The following UNC50 variants were observed in gnomAD, a reference collection of about 807,000 sequenced individuals.
The protein encoded by UNC50 is unc-50 inner nuclear membrane RNA binding protein.
UNC50 carries 24 observed loss-of-function variants against 31.5 expected under a neutral mutation model. The ratio of observed to expected loss-of-function variants is 0.76; its 90% CI spans 0.55 to 1.07. The LOEUF is 1.07. UNC50 is among the 50% of genes least tolerant of loss of function. The probability of loss-of-function intolerance (pLI) is 0.00; values close to 1 mark genes in which losing one functional copy is unlikely to be tolerated. For synonymous variants in UNC50, 118 were observed against 114.7 expected, an observed-to-expected ratio of 1.03 and a Z score of -0.18; for missense variants, 245 against 304.2, an observed-to-expected ratio of 0.81 and a Z score of 1.45.
intron 3 of UNC50, among the ~76,000 whole-genome samples, chr2:98,615,710 T>A (rs1182683690): frequency 6.6e-6 from 1 of 152,162 alleles, no homozygotes. Flanking sequence ...GGCATTTAAG[T>A]CAAATACTTT....
rs548708317 is a variant in UNC50, at chr2:98,610,517, A to G, written c.281-258A>G. On this transcript the variant is annotated intron_variant, in intron 2 of 5. Transcript: ENST00000357765. Reference sequence around the variant, plus strand: ...TTTGCACCTTAACTGGACTTAAACTATGTTAGTGCCTTCTCTACACTGGCG... The same window carrying G: ...TTTGCACCTTAACTGGACTTAAACTGTGTTAGTGCCTTCTCTACACTGGCG... Among the ~76,000 whole-genome samples, 15 of 152,332 alleles carry G rather than the reference A, an allele frequency of 9.8e-5. No individual in the cohort carries two copies. The East Asian group carries it at 2.5e-3, about 25-fold the overall frequency.
At chr2:98,612,694 C>T (rs1219994110) in intron 3 of UNC50, among the ~76,000 whole-genome samples, 1 of 152,230 alleles carries the variant, frequency 6.6e-6, no homozygotes, top group Non-Finnish European at 1.5e-5. Context: ...CAGGCGTGAG[C>T]CACCGCGCCC....
In UNC50 at chr2:98,610,825, A is replaced by G. The variant is rs982881742; in HGVS notation, c.331A>G (p.Ile111Val). ...FVLDMGFFET[I>V]KLLLWVVLID... ...GCTGGACATGGGATTCTTTGAGACA[A>G]TAAAGCTTCTCCTTTGGGTTGTACT... is the stretch of plus-strand genomic sequence containing the variant. Residue 111 changes from isoleucine to valine, a missense_variant, in exon 3 of 6, where the codon ATA becomes GTA. Transcript: ENST00000357765. The G allele has an allele frequency of 3.1e-6, 5 of 1,614,094 alleles. No homozygotes were observed. In the African/African-American group the frequency reaches 5.3e-5, roughly 17 times the overall value.
Position 98,618,378 on chromosome 2 carries a change from A to ATAAAC in UNC50, c.*77_*81dup. 3 of 1,447,922 alleles carry ATAAAC rather than the reference A, an allele frequency of 2.1e-6. No homozygotes were observed. The highest frequency in any genetic ancestry group is 2.4e-5 in the East Asian group (1 of 41,528). The allele number at this position is 1,447,922 out of a possible 1,614,324, so 89.7% of individuals were successfully genotyped here. On this transcript the variant is annotated 3_prime_UTR_variant, in exon 6 of 6. Transcript: ENST00000357765. ...TGATCATTTCTTGTAAAACTTGTAA[A>ATAAAC]TAAACTATCATCTTTGTAGATATCT...
chr2:98,615,632 C>A (rs925696952), intron 3 of UNC50, among the ~76,000 whole-genome samples: 4 of 152,224 alleles, frequency 2.6e-5, no homozygotes, highest in Admixed American at 6.5e-5. Flanking sequence ...AGCCTTCTAA[C>A]TGGTCTCTGC....
Position 98,608,634 on chromosome 2 carries a change from A to G in UNC50, c.-97A>G. On this transcript the variant is annotated 5_prime_UTR_variant, in exon 1 of 6. Transcript: ENST00000357765. The stretch of plus-strand genomic sequence containing the variant: ...CCCCAAGGGCCGGCTCCGTTGAGGG[A>G]AGGGAAGCCCGCCCGGTGGCGGCTG... 1.7e-6 allele frequency: 1 copy of G among 577,866 alleles called. No homozygotes were observed. The highest frequency in any genetic ancestry group is 3.1e-6 in the Non-Finnish European group (1 of 325,282). 35.8% of individuals were successfully genotyped at this position (577,866 alleles called of 1,614,324 possible).
At chr2:98,610,147 C>A in intron 2 of UNC50, 108 bp downstream of exon 2, 1 of 1,210,424 alleles carries the variant, frequency 8.3e-7, no homozygotes, top group Non-Finnish European at 1.1e-6. Context: ...AACTATTTCT[C>A]CTTTTTACTG....
intron 3 of UNC50, 82 bp downstream of exon 3, chr2:98,610,977 G>C: frequency 1.4e-6 from 2 of 1,465,026 alleles, no homozygotes; most frequent in Non-Finnish European, 1.8e-6. Flanking sequence ...GCAGCAGATG[G>C]AAATTGAAAC....
chr2:98,610,781 C>T lies in UNC50; in HGVS notation c.287C>T (p.Thr96Ile). ...VLLSIWLCVS[T>I]IGFGFVLDMG... ...TTGTGAATCTTTCTTTCAGTGTCCA[C>T]TATAGGATTTGGCTTTGTGCTGGAC... The change falls in exon 3 of 6, where the codon ACT (threonine) becomes ATT (isoleucine). Residue 96 changes from threonine (T) to isoleucine (I), a missense_variant. Thr to Ile is a moderately conservative substitution (Grantham distance 89). Transcript: ENST00000357765. 1.2e-6 allele frequency: 2 copies of T among 1,614,000 alleles called. No individual in the cohort carries two copies. Among genetic ancestry groups the T allele is most frequent in the Non-Finnish European group, 1.7e-6 (2 of 1,179,928 alleles).
intron 3 of UNC50, among the ~76,000 whole-genome samples, chr2:98,613,579 C>G (rs1559148483): frequency 6.6e-6 from 1 of 152,142 alleles, no homozygotes; most frequent in Non-Finnish European, 1.5e-5. Context: ...TTGTGAGACT[C>G]ACTGACTATC....
rs571814284 is a variant in UNC50, at chr2:98,610,736, G to T, written c.281-39G>T. The T allele has an allele frequency of 7.5e-6, 12 of 1,610,108 alleles. 1 individual carries two copies. The South Asian group carries it at 1.3e-4, about 18-fold the overall frequency. The stretch of plus-strand genomic sequence containing the variant: ...ATGTGTCCTGTATTTCCAGAACCTA[G>T]CAGAGTCCCTAAATGAATCTTGTGA... On this transcript the variant is annotated intron_variant, in intron 2 of 5. Coordinates refer to ENST00000357765, the MANE Select transcript of UNC50 (RefSeq NM_014044.7).
At chr2:98,612,794 C>T (rs943568305) in intron 3 of UNC50, among the ~76,000 whole-genome samples, 1 of 152,228 alleles carries the variant, frequency 6.6e-6, no homozygotes. Flanking sequence ...TAAACTGAGT[C>T]ACACAGATGT....
chr2:98,615,674 A>G (rs1391438961), intron 3 of UNC50, among the ~76,000 whole-genome samples: 4 of 152,162 alleles, frequency 2.6e-5, no homozygotes, highest in South Asian at 2.1e-4. Flanking sequence ...CTGTTCTCAG[A>G]TCCGCCACCA....
chr2:98,618,138 TAAATCAGTTTGGATTCC>T lies in UNC50; in HGVS notation c.644-29_644-13del. On this transcript the variant is annotated splice_polypyrimidine_tract_variant and intron_variant, in intron 5 of 5. Transcript: ENST00000357765. The stretch of plus-strand genomic sequence containing the variant: ...TTAGTCATTTATTTTTTTTTTTTTT[TAAATCAGTTTGGATTCC>T]TTTCTTTTCCAGCATTGCCATTTTT... 2 of 1,465,990 alleles carry T rather than the reference TAAATCAGTTTGGATTCC, an allele frequency of 1.4e-6. No homozygotes were observed. The highest frequency in any genetic ancestry group is 9.0e-7 in the Non-Finnish European group (1 of 1,107,368). 90.8% of individuals were successfully genotyped at this position (1,465,990 alleles called of 1,614,324 possible). A position where few individuals can be genotyped will look rare whatever the true frequency, so the allele number is the denominator to read the frequency against.
chr2:98,612,443 T>C (rs1700850117), intron 3 of UNC50, among the ~76,000 whole-genome samples: 3 of 150,934 alleles, frequency 2.0e-5, no homozygotes, highest in African/African-American at 7.3e-5. Context: ...GAAGTCCCAC[T>C]CTGTCACCCA....
At chr2:98,608,969 TA>T (rs1263669484) in intron 1 of UNC50, 2 of 174,688 alleles carry the variant, frequency 1.1e-5, no homozygotes, top group African/African-American at 4.8e-5. Context: ...GTAGGCATAC[TA>T]AAACCTTATT....
intron 3 of UNC50, among the ~76,000 whole-genome samples, chr2:98,614,415 A>AAGC (rs1309925243): frequency 6.6e-6 from 1 of 152,190 alleles, no homozygotes; most frequent in African/African-American, 2.4e-5. Context: ...GATGCAGATG[A>AAGC]AGCAGCCCTT....
intron 3 of UNC50, among the ~76,000 whole-genome samples, chr2:98,611,776 A>G (rs370124868): frequency 7.9e-5 from 12 of 152,348 alleles, no homozygotes; most frequent in African/African-American, 2.9e-4. Context: ...GCATTTGTCA[A>G]TAGAGACCAC....
At chr2:98,608,761 C>T (rs1262500405) in intron 1 of UNC50, 35 bp downstream of exon 1, 6 of 322,034 alleles carry the variant, frequency 1.9e-5, no homozygotes, top group African/African-American at 4.5e-5. Flanking sequence ...CTCCCGCGGC[C>T]CGGGCTCGCG....
Sources: allele counts gnomAD v4.1 joint callset (sites outside exome capture counted in the v4.1 genomes callset), GRCh38; gene constraint gnomAD v4.1.1; transcripts MANE v1.5; gene names NCBI Gene and HGNC (gene_info 2026-07-23, HGNC 2026-07-21).